The following NALCN variants were observed in gnomAD, a reference collection of about 807,000 sequenced individuals.
The protein encoded by NALCN is sodium leak channel NALCN.
In NALCN, 111 loss-of-function variants were observed where a neutral mutation model predicts 225.3. The ratio of observed to expected loss-of-function variants is 0.49; its 90% CI spans 0.42 to 0.58. The LOEUF is 0.58. Ranked by LOEUF, NALCN falls within the 20% of genes least tolerant of loss-of-function variation. NALCN has a pLI of 0.00. For synonymous variants in NALCN, 764 were observed against 769.0 expected, an observed-to-expected ratio of 0.99 and a Z score of 0.11; for missense variants, 1,378 against 2,202.4, an observed-to-expected ratio of 0.63 and a Z score of 7.49.
intron 11 of NALCN, among the ~76,000 whole-genome samples, chr13:101,246,170 C>T (rs1416831054): frequency 6.6e-6 from 1 of 152,074 alleles, no homozygotes; most frequent in Non-Finnish European, 1.5e-5. Flanking sequence ...AACTTGCAGT[C>T]GAGACCCTCT....
chr13:101,373,751 C>T (rs928320953), intron 6 of NALCN, among the ~76,000 whole-genome samples: 1 of 152,018 alleles, frequency 6.6e-6, no homozygotes, highest in Non-Finnish European at 1.5e-5. Flanking sequence ...AAGAAATACA[C>T]AAATTAATTT....
intron 39 of NALCN, 44 bp downstream of exon 39, chr13:101,067,874 A>T: frequency 1.6e-6 from 2 of 1,289,528 alleles, no homozygotes; most frequent in East Asian, 4.6e-5. Flanking sequence ...CATGTTGATA[A>T]GTCTCTTTGA....
intron 1 of NALCN, among the ~76,000 whole-genome samples, chr13:101,413,916 GC>G (rs1444254767): frequency 5.3e-5 from 8 of 152,070 alleles, no homozygotes; most frequent in Non-Finnish European, 2.9e-5. Context: ...CTCACTCTGT[GC>G]CCAGTCGCCC....
At chr13:101,145,529 GA>G (rs1312918267) in intron 15 of NALCN, among the ~76,000 whole-genome samples, 1 of 152,200 alleles carries the variant, frequency 6.6e-6, no homozygotes, top group African/African-American at 2.4e-5. Context: ...ATTTATTTAA[GA>G]GTGTATATTT....
chr13:101,334,455 G>A (rs1357088310), intron 7 of NALCN, among the ~76,000 whole-genome samples: 1 of 152,010 alleles, frequency 6.6e-6, no homozygotes, highest in African/African-American at 2.4e-5. Flanking sequence ...CAGGAAGAAT[G>A]GGATGAATAC....
At chr13:101,067,447 A>G (rs1396277118) in intron 39 of NALCN, among the ~76,000 whole-genome samples, 2 of 152,096 alleles carry the variant, frequency 1.3e-5, no homozygotes, top group Non-Finnish European at 2.9e-5. Flanking sequence ...ATTTTAAGAA[A>G]CCTTGGGTAA....
At chr13:101,317,676 C>T (rs573934257) in intron 7 of NALCN, among the ~76,000 whole-genome samples, 10 of 152,248 alleles carry the variant, frequency 6.6e-5, no homozygotes, top group South Asian at 4.1e-4. Flanking sequence ...CAAACATGGA[C>T]GCCCTCTCTT....
intron 10 of NALCN, among the ~76,000 whole-genome samples, chr13:101,277,248 A>G (rs544203306): frequency 2.0e-5 from 3 of 152,290 alleles, no homozygotes; most frequent in Middle Eastern, 3.4e-3. Flanking sequence ...AGAGTAGAAA[A>G]TATGGTGAAA....
At chr13:101,143,348 A>G (rs2037188986) in intron 16 of NALCN, 127 bp from the exon 17 acceptor site, 1 of 895,062 alleles carries the variant, frequency 1.1e-6, no homozygotes, top group African/African-American at 1.7e-5. Flanking sequence ...AAACTAGATC[A>G]TGACTAAAAT....
chr13:101,068,834 G>A lies in NALCN; in HGVS notation c.4198-7C>T. 1 of 1,599,898 alleles carries A rather than the reference G, an allele frequency of 6.3e-7. No homozygotes were observed. The highest frequency in any genetic ancestry group is 8.5e-7 in the Non-Finnish European group (1 of 1,174,498). On this transcript the variant is annotated splice_region_variant and splice_polypyrimidine_tract_variant and intron_variant, in intron 37 of 43. Coordinates refer to ENST00000251127, the MANE Select transcript of NALCN (RefSeq NM_052867.4). The stretch of plus-strand genomic sequence containing the variant: ...TACAAAACGGAGGCTGAACCTTTGG[G>A]GCATTGGGGTGGAAGAAGGAGAGGA...
intron 6 of NALCN, among the ~76,000 whole-genome samples, chr13:101,352,556 T>C (rs997519183): frequency 1.3e-5 from 2 of 152,306 alleles, no homozygotes; most frequent in Admixed American, 1.3e-4. Context: ...TAACAAGCAG[T>C]TGTTATCATA....
chr13:101,203,361 G>A (rs893950438), intron 13 of NALCN, among the ~76,000 whole-genome samples: 11 of 152,090 alleles, frequency 7.2e-5, no homozygotes, highest in African/African-American at 2.4e-4. Context: ...GATTACAGGT[G>A]CCTACCACCA....
At chr13:101,247,019 T>C (rs1436072971) in intron 11 of NALCN, among the ~76,000 whole-genome samples, 1 of 152,186 alleles carries the variant, frequency 6.6e-6, no homozygotes, top group African/African-American at 2.4e-5. Flanking sequence ...TAAACGAGGT[T>C]AACCTCTTTG....
At chr13:101,369,373 T>C (rs141377917) in intron 6 of NALCN, among the ~76,000 whole-genome samples, 83 of 152,284 alleles carry the variant, frequency 5.5e-4, no homozygotes, top group African/African-American at 1.9e-3. Context: ...TCACAAGGCA[T>C]GTTTTCATGC....
In NALCN at chr13:101,400,041, A is replaced by C. The variant is rs564048788; in HGVS notation, c.-39-876T>G. ...CTGTGAGACTTCCCATTTGATTAGC[A>C]CCTGGATTGAGTCTTAAAGGAAGGT... On this transcript the variant is annotated intron_variant, in intron 1 of 43. Coordinates refer to ENST00000251127, the MANE Select transcript of NALCN (RefSeq NM_052867.4). Among the ~76,000 whole-genome samples the C allele has an allele frequency of 3.3e-5, 5 of 152,228 alleles. No individual in the cohort carries two copies. In the South Asian group the frequency reaches 1.0e-3, roughly 32 times the overall value.
At chr13:101,268,478 G>A (rs1238992849) in intron 10 of NALCN, among the ~76,000 whole-genome samples, 2 of 152,124 alleles carry the variant, frequency 1.3e-5, no homozygotes, top group Non-Finnish European at 2.9e-5. Flanking sequence ...TTGTGGGAAG[G>A]GGAGACTATT....
chr13:101,399,433 G>A (rs1461577219), intron 1 of NALCN, among the ~76,000 whole-genome samples: 1 of 152,144 alleles, frequency 6.6e-6, no homozygotes, highest in Non-Finnish European at 1.5e-5. Flanking sequence ...GAGTAAAATG[G>A]GTTGCTTCTT....
At chr13:101,350,285 G>C (rs568064585) in intron 6 of NALCN, among the ~76,000 whole-genome samples, 17 of 152,218 alleles carry the variant, frequency 1.1e-4, no homozygotes, top group Non-Finnish European at 1.8e-4. Flanking sequence ...AAGTATCCCA[G>C]TGTCTGACCA....
intron 13 of NALCN, among the ~76,000 whole-genome samples, chr13:101,205,401 T>C (rs1006237149): frequency 2.6e-5 from 4 of 151,994 alleles, no homozygotes; most frequent in Non-Finnish European, 5.9e-5. Flanking sequence ...TTTCAGTAAT[T>C]TGAGACTTAA....
Sources: gnomAD v4.1 joint callset for allele counts (sites outside exome capture counted in the v4.1 genomes callset) on GRCh38, gnomAD v4.1.1 for gene constraint, MANE v1.5 for transcripts, NCBI Gene and HGNC (gene_info 2026-07-23, HGNC 2026-07-21) for gene names.